The following PDZD2 variants were observed in gnomAD, a reference collection of about 807,000 sequenced individuals.
PDZD2 encodes the protein PDZ domain-containing protein 2.
A neutral mutation model predicts 220.7 loss-of-function variants in PDZD2; 90 were observed. That is an observed-to-expected ratio of 0.41 (90% CI 0.34 to 0.49). PDZD2 has a LOEUF of 0.49. Among genes scored for constraint, PDZD2 ranks in the 20% least tolerant of loss-of-function variants. The pLI is 0.28. For synonymous variants in PDZD2, 1,375 were observed against 1,450.5 expected, an observed-to-expected ratio of 0.95 and a Z score of 1.18; for missense variants, 3,174 against 3,608.5, an observed-to-expected ratio of 0.88 and a Z score of 3.08.
chr5:31,969,104 T>A (rs976646600), intron 2 of PDZD2, among the ~76,000 whole-genome samples: 2 of 151,892 alleles, frequency 1.3e-5, no homozygotes, highest in Non-Finnish European at 2.9e-5. Context: ...ACTGGACTGA[T>A]GTGAGGGGAA....
intron 1 of PDZD2, among the ~76,000 whole-genome samples, chr5:31,737,984 C>G (rs563341738): frequency 2.6e-5 from 4 of 152,210 alleles, no homozygotes; most frequent in Non-Finnish European, 5.9e-5. Flanking sequence ...CAGGGCCACC[C>G]AGGTCTGCCT....
intron 1 of PDZD2, among the ~76,000 whole-genome samples, chr5:31,777,423 C>CCTT (rs922627104): frequency 1.3e-5 from 2 of 149,778 alleles, no homozygotes; most frequent in Non-Finnish European, 3.0e-5. Flanking sequence ...TCCCACGTGT[C>CCTT]CGGAGCCTCC....
chr5:31,813,261 T>A (rs1755230124), intron 2 of PDZD2, among the ~76,000 whole-genome samples: 1 of 151,908 alleles, frequency 6.6e-6, no homozygotes, highest in African/African-American at 2.4e-5. Flanking sequence ...CCATCCTGGC[T>A]AACACGGTGA....
intron 2 of PDZD2, among the ~76,000 whole-genome samples, chr5:31,925,697 C>T (rs1259167453): frequency 6.6e-6 from 1 of 151,404 alleles, no homozygotes; most frequent in Non-Finnish European, 1.5e-5. Flanking sequence ...AAAATATTTG[C>T]AAACTCTGTT....
At chr5:32,107,720 TC>T (rs1246286853) in intron 24 of PDZD2, among the ~76,000 whole-genome samples, 1 of 152,224 alleles carries the variant, frequency 6.6e-6, no homozygotes, top group Non-Finnish European at 1.5e-5. Context: ...GAGAGTATCT[TC>T]CCCTTGTCAG....
chr5:31,872,142 G>GGTGTGT (rs55806241), intron 2 of PDZD2, among the ~76,000 whole-genome samples: 5,151 of 147,732 alleles, frequency 0.035, 314 homozygotes, highest in African/African-American at 0.12. Flanking sequence ...TAAGGTGAGT[G>GGTGTGT]GTGTGTGTGT....
intron 23 of PDZD2, 114 bp from the exon 24 acceptor site, chr5:32,100,991 A>G: frequency 1.9e-6 from 3 of 1,593,362 alleles, no homozygotes; most frequent in African/African-American, 1.3e-5. Flanking sequence ...GGTAGATGGG[A>G]CTTGAGTGTG....
chr5:31,682,530 A>G (rs945466023), intron 1 of PDZD2, among the ~76,000 whole-genome samples: 1 of 152,228 alleles, frequency 6.6e-6, no homozygotes, highest in African/African-American at 2.4e-5. Context: ...TTGTATTTAA[A>G]TAAGAGTGTA....
chr5:31,752,073 G>GTTTTGTTTTTTTTTTTTTTTTTTT (rs1751018299), intron 1 of PDZD2, among the ~76,000 whole-genome samples: 1 of 95,064 alleles, frequency 1.1e-5, no homozygotes, highest in African/African-American at 4.2e-5. Context: ...TTTTGGGTTT[G>GTTTTGTTTTTTTTTTTTTTTTTTT]TTTTTTTTTT....
chr5:31,678,685 G>A (rs1184403914), intron 1 of PDZD2, among the ~76,000 whole-genome samples: 3 of 152,068 alleles, frequency 2.0e-5, no homozygotes, highest in Non-Finnish European at 4.4e-5. Context: ...GCACAATCTC[G>A]GCTCACTGCC....
chr5:31,655,192 A>G (rs1184650682), intron 1 of PDZD2, among the ~76,000 whole-genome samples: 2 of 152,074 alleles, frequency 1.3e-5, no homozygotes, highest in African/African-American at 4.8e-5. Context: ...TTTTGTTTTG[A>G]GACAGAGTCT....
intron 2 of PDZD2, among the ~76,000 whole-genome samples, chr5:31,818,761 C>G (rs894041982): frequency 6.6e-6 from 1 of 152,182 alleles, no homozygotes; most frequent in African/African-American, 2.4e-5. Flanking sequence ...AACATTAAAA[C>G]AGCATTTTAA....
At chr5:32,041,292 G>A (rs1368734517) in intron 7 of PDZD2, among the ~76,000 whole-genome samples, 3 of 152,072 alleles carry the variant, frequency 2.0e-5, no homozygotes, top group Admixed American at 2.0e-4. Flanking sequence ...TGGGAAGTGA[G>A]GAGCATCTCT....
chr5:32,033,934 T>C (rs184329702), intron 6 of PDZD2, among the ~76,000 whole-genome samples: 12 of 152,268 alleles, frequency 7.9e-5, no homozygotes, highest in Middle Eastern at 6.8e-3. Flanking sequence ...ATACCATCTT[T>C]AGCATAAGAT....
chr5:32,061,943 A>AT (rs1163324518), intron 14 of PDZD2, among the ~76,000 whole-genome samples: 4 of 152,252 alleles, frequency 2.6e-5, no homozygotes, highest in South Asian at 2.1e-4. Context: ...CTTTAAAAAT[A>AT]TTTTTTTAAA....
intron 1 of PDZD2, among the ~76,000 whole-genome samples, chr5:31,697,393 G>A (rs1747419651): frequency 6.6e-6 from 1 of 152,238 alleles, no homozygotes; most frequent in Non-Finnish European, 1.5e-5. Flanking sequence ...AACCCTGGAA[G>A]CAGAGGTTGC....
intron 17 of PDZD2, among the ~76,000 whole-genome samples, chr5:32,072,833 A>G (rs1740888423): frequency 1.3e-5 from 2 of 152,186 alleles, no homozygotes; most frequent in Non-Finnish European, 2.9e-5. Context: ...CCTCCTTTCA[A>G]TGCCCTTTAC....
At chr5:31,806,886 TC>T (rs1315913663) in intron 2 of PDZD2, among the ~76,000 whole-genome samples, 1 of 151,920 alleles carries the variant, frequency 6.6e-6, no homozygotes, top group Non-Finnish European at 1.5e-5. Flanking sequence ...AAAAGTCTTT[TC>T]GCTTAAAACG....
At chr5:31,729,846 G>A (rs1029045572) in intron 1 of PDZD2, among the ~76,000 whole-genome samples, 1 of 151,828 alleles carries the variant, frequency 6.6e-6, no homozygotes, top group Admixed American at 6.6e-5. Flanking sequence ...GTTTTGTTTT[G>A]AGACTGAATC....
Sources: gnomAD v4.1 joint callset for allele counts (sites outside exome capture counted in the v4.1 genomes callset) on GRCh38, gnomAD v4.1.1 for gene constraint, MANE v1.5 for transcripts, NCBI Gene and HGNC (gene_info 2026-07-23, HGNC 2026-07-21) for gene names.